Variants in SGCZ observed in about 807,000 individuals in gnomAD.
SGCZ encodes the protein sarcoglycan zeta, also known as zeta-sarcoglycan.
Under a neutral mutation model 41.3 loss-of-function variants are expected in SGCZ, and 40 were observed. That is an observed-to-expected ratio of 0.97 (90% CI 0.75 to 1.26). The LOEUF is 1.26. Ranked by LOEUF, SGCZ falls within the 50% of genes most tolerant of loss-of-function variation. The pLI is 0.00. For missense variants in SGCZ, 552 were observed against 369.8 expected (o/e 1.49, Z -4.04); for synonymous variants, 206 against 137.5 (o/e 1.50, Z -3.49).
intron 1 of SGCZ, among the ~76,000 whole-genome samples, chr8:14,676,202 A>G (rs1195750834): frequency 6.6e-6 from 1 of 152,224 alleles, no homozygotes; most frequent in Non-Finnish European, 1.5e-5. Context: ...TGCACTCAAA[A>G]GTATCATCCC....
In SGCZ at chr8:15,238,227, G is replaced by T. The variant is rs1278084212; in HGVS notation, c.-604C>A. On this transcript the variant is annotated 5_prime_UTR_variant, in exon 1 of 8. Transcript: ENST00000382080. The stretch of plus-strand genomic sequence containing the variant: ...AGCTGAGAGGTATTTTCTCAGTGGG[G>T]AAAAGAAGATAATCAAGTCAGAAGG... The T allele has an allele frequency of 2.6e-5, 4 of 152,254 alleles. No homozygotes were observed. The allele number at this position is 152,254 out of a possible 1,614,324, so 9.4% of individuals were successfully genotyped here. A position where few individuals can be genotyped will look rare whatever the true frequency, so the allele number is the denominator to read the frequency against.
At chr8:14,423,004 G>C (rs1432218242) in intron 2 of SGCZ, among the ~76,000 whole-genome samples, 2 of 152,106 alleles carry the variant, frequency 1.3e-5, no homozygotes, top group African/African-American at 4.8e-5. Context: ...CTCCAGCCTG[G>C]GCAACAGTGT....
chr8:15,118,731 GA>G (rs1037348180), intron 1 of SGCZ, among the ~76,000 whole-genome samples: 59 of 150,616 alleles, frequency 3.9e-4, no homozygotes, highest in African/African-American at 1.1e-3. Flanking sequence ...GGTATATTAG[GA>G]AAAAAAAATA....
chr8:14,258,759 A>G (rs1486238033), intron 3 of SGCZ, among the ~76,000 whole-genome samples: 1 of 152,158 alleles, frequency 6.6e-6, no homozygotes, highest in African/African-American at 2.4e-5. Flanking sequence ...ATCTTAAGGT[A>G]TTTTAGACAA....
chr8:14,520,874 A>C (rs1036602314), intron 2 of SGCZ, among the ~76,000 whole-genome samples: 1 of 152,140 alleles, frequency 6.6e-6, no homozygotes, highest in Non-Finnish European at 1.5e-5. Flanking sequence ...GGATGTACTT[A>C]AAAAAATCAA....
At chr8:15,212,513 T>C (rs1801265596) in intron 1 of SGCZ, among the ~76,000 whole-genome samples, 1 of 152,160 alleles carries the variant, frequency 6.6e-6, no homozygotes, top group East Asian at 1.9e-4. Flanking sequence ...CTTGATAGTA[T>C]CTTTTGAATT....
At chr8:15,082,002 T>C (rs1373452417) in intron 1 of SGCZ, among the ~76,000 whole-genome samples, 1 of 152,150 alleles carries the variant, frequency 6.6e-6, no homozygotes, top group Non-Finnish European at 1.5e-5. Flanking sequence ...TTAACTGGAA[T>C]GTAATTTTCT....
chr8:14,109,633 A>G (rs1802314930), intron 5 of SGCZ, among the ~76,000 whole-genome samples: 1 of 152,228 alleles, frequency 6.6e-6, no homozygotes, highest in Non-Finnish European at 1.5e-5. Flanking sequence ...TATTAATTCA[A>G]GAGGCAATGA....
chr8:14,387,194 T>A (rs1197884325), intron 2 of SGCZ, among the ~76,000 whole-genome samples: 1 of 152,146 alleles, frequency 6.6e-6, no homozygotes, highest in Non-Finnish European at 1.5e-5. Flanking sequence ...ACTACATGTG[T>A]GCACCATCAC....
chr8:14,345,099 C>T (rs1802849115), intron 2 of SGCZ, among the ~76,000 whole-genome samples: 1 of 151,922 alleles, frequency 6.6e-6, no homozygotes, highest in Admixed American at 6.6e-5. Flanking sequence ...ATAACCAACA[C>T]AATGGAAAAT....
intron 1 of SGCZ, among the ~76,000 whole-genome samples, chr8:14,752,132 CAAAAAAA>C (rs56243371): frequency 8.5e-6 from 1 of 117,794 alleles, no homozygotes; most frequent in African/African-American, 3.3e-5. Context: ...ACAAAAAAGC[CAAAAAAA>C]AAAAAAAAAA....
chr8:15,199,929 G>T (rs940587993), intron 1 of SGCZ, among the ~76,000 whole-genome samples: 1 of 152,070 alleles, frequency 6.6e-6, no homozygotes, highest in Non-Finnish European at 1.5e-5. Flanking sequence ...AAATGTAAGG[G>T]CCAATTACAA....
Position 15,238,198 on chromosome 8 carries a change from T to C in SGCZ, c.-575A>G, listed in dbSNP as rs1175287117. On this transcript the variant is annotated 5_prime_UTR_variant, in exon 1 of 8. Transcript: ENST00000382080. ...GTCCTGCATAGACTTAAAAAATGTC[T>C]TGTAGCTGAGAGGTATTTTCTCAGT... 1 of 152,300 alleles carries C rather than the reference T, an allele frequency of 6.6e-6. No homozygotes were observed. The highest frequency in any genetic ancestry group is 1.5e-5 in the Non-Finnish European group (1 of 68,166). The allele number at this position is 152,300 out of a possible 1,614,324, so 9.4% of individuals were successfully genotyped here. A position where few individuals can be genotyped will look rare whatever the true frequency, so the allele number is the denominator to read the frequency against.
intron 1 of SGCZ, among the ~76,000 whole-genome samples, chr8:15,195,439 G>T (rs1430102704): frequency 2.6e-5 from 4 of 152,134 alleles, no homozygotes; most frequent in African/African-American, 9.7e-5. Flanking sequence ...TGTGGTCTTA[G>T]TGCTCGGCAA....
At chr8:15,076,327 T>C (rs963665060) in intron 1 of SGCZ, among the ~76,000 whole-genome samples, 1 of 151,946 alleles carries the variant, frequency 6.6e-6, no homozygotes, top group African/African-American at 2.4e-5. Flanking sequence ...ACACAGAGGC[T>C]ACAAACAATT....
Position 15,208,042 on chromosome 8 carries a change from A to G in SGCZ, c.39+29543T>C, listed in dbSNP as rs548838315. 3.3e-5 allele frequency among the ~76,000 whole-genome samples: 5 copies of G among 152,356 alleles called. No individual in the cohort carries two copies. In the South Asian group the frequency reaches 1.0e-3, roughly 32 times the overall value. On this transcript the variant is annotated intron_variant, in intron 1 of 7. Coordinates refer to ENST00000382080, the MANE Select transcript of SGCZ (RefSeq NM_139167.4). The stretch of plus-strand genomic sequence containing the variant: ...CTGAATGTAAATTTCCTACTCTCTG[A>G]TAGTTTTATGTGTCTACTAAATATT...
At chr8:14,723,470 G>A (rs958864091) in intron 1 of SGCZ, among the ~76,000 whole-genome samples, 1 of 152,140 alleles carries the variant, frequency 6.6e-6, no homozygotes, top group Non-Finnish European at 1.5e-5. Flanking sequence ...AACAGAGGGA[G>A]AGGAGGCCTT....
chr8:15,154,118 G>C (rs1280633369), intron 1 of SGCZ, among the ~76,000 whole-genome samples: 2 of 152,142 alleles, frequency 1.3e-5, no homozygotes, highest in Admixed American at 1.3e-4. Flanking sequence ...ATGTGGCCCG[G>C]TTCCTAACAG....
chr8:14,953,498 T>C (rs1421239411), intron 1 of SGCZ, among the ~76,000 whole-genome samples: 1 of 152,048 alleles, frequency 6.6e-6, no homozygotes, highest in Non-Finnish European at 1.5e-5. Flanking sequence ...CCAGCCTAAC[T>C]CAGAAAACAT....
Sources: allele counts gnomAD v4.1 joint callset (sites outside exome capture counted in the v4.1 genomes callset), GRCh38; gene constraint gnomAD v4.1.1; transcripts MANE v1.5; gene names NCBI Gene and HGNC (gene_info 2026-07-23, HGNC 2026-07-21).